Variants in TXNRD1 observed in about 807,000 individuals in gnomAD.
TXNRD1 encodes the protein thioredoxin reductase 1, also known as thioredoxin reductase 1, cytoplasmic.
TXNRD1 carries 57 observed loss-of-function variants against 80.3 expected under a neutral mutation model. The observed-to-expected ratio is 0.71, with a 90% confidence interval of 0.57 to 0.89. TXNRD1 has a LOEUF of 0.89. Among genes scored for constraint, TXNRD1 ranks in the 40% least tolerant of loss-of-function variants. The probability of loss-of-function intolerance (pLI) is 0.00; values close to 1 mark genes in which losing one functional copy is unlikely to be tolerated. For missense variants in TXNRD1, 730 were observed against 803.0 expected (o/e 0.91, Z 1.10); for synonymous variants, 291 against 285.2 (o/e 1.02, Z -0.20).
intron 1 of TXNRD1, among the ~76,000 whole-genome samples, chr12:104,233,558 G>A (rs1193215140): frequency 2.6e-5 from 4 of 152,178 alleles, no homozygotes; most frequent in Non-Finnish European, 5.9e-5. Context: ...TTTCGCTCTT[G>A]TTGCCCAGGC....
intron 16 of TXNRD1, among the ~76,000 whole-genome samples, chr12:104,344,925 C>CT (rs764749702): frequency 2.0e-5 from 3 of 152,186 alleles, no homozygotes; most frequent in Non-Finnish European, 4.4e-5. Context: ...AGGAGGAACT[C>CT]TTTTCTCTGC....
At chr12:104,288,839 G>C in intron 3 of TXNRD1, 92 bp from the exon 4 acceptor site, 4 of 1,610,724 alleles carry the variant, frequency 2.5e-6, no homozygotes, top group Non-Finnish European at 3.4e-6. Context: ...TGCCTGCGGG[G>C]CCGGGACGGA....
chr12:104,242,192 G>T (rs1423744280), intron 1 of TXNRD1, among the ~76,000 whole-genome samples: 1 of 151,186 alleles, frequency 6.6e-6, no homozygotes, highest in Non-Finnish European at 1.5e-5. Flanking sequence ...ACCCACCTTG[G>T]CCTCCCAAAG....
chr12:104,327,433 C>A, intron 12 of TXNRD1, 82 bp from the exon 13 acceptor site: 1 of 1,425,472 alleles, frequency 7.0e-7, no homozygotes, highest in Non-Finnish European at 9.4e-7. Flanking sequence ...CAATTTTGGG[C>A]TTCCCTGAAA....
intron 4 of TXNRD1, among the ~76,000 whole-genome samples, chr12:104,302,628 T>C (rs1172105520): frequency 6.6e-6 from 1 of 151,864 alleles, no homozygotes; most frequent in Admixed American, 6.6e-5. Context: ...TAGCTGGGAC[T>C]ATAGGCGCCT....
chr12:104,266,499 C>G (rs1162211799), intron 3 of TXNRD1, among the ~76,000 whole-genome samples: 1 of 124,598 alleles, frequency 8.0e-6, no homozygotes, highest in Non-Finnish European at 1.6e-5. Context: ...GCACTCCAGT[C>G]TGGTGACAGA....
intron 11 of TXNRD1, among the ~76,000 whole-genome samples, chr12:104,325,749 G>A (rs1276686102): frequency 6.6e-6 from 1 of 152,030 alleles, no homozygotes; most frequent in Non-Finnish European, 1.5e-5. Flanking sequence ...GCGTGCGCCT[G>A]TAGTCCCAGC....
Position 104,327,501 on chromosome 12 carries a change from GA to G in TXNRD1, c.1386-12del. The G allele has an allele frequency of 6.2e-7, 1 of 1,601,178 alleles. No homozygotes were observed. Among genetic ancestry groups the G allele is most frequent in the Non-Finnish European group, 8.5e-7 (1 of 1,171,734 alleles). On this transcript the variant is annotated splice_polypyrimidine_tract_variant and intron_variant, in intron 12 of 16. Coordinates refer to ENST00000525566, the MANE Select transcript of TXNRD1 (RefSeq NM_001093771.3). The stretch of plus-strand genomic sequence containing the variant: ...TGGTAATTAATGATGATTTTTAACT[GA>G]ATAAAATTGCAGGACTGGAAAAATA...
intron 3 of TXNRD1, among the ~76,000 whole-genome samples, chr12:104,266,303 G>A (rs574837298): frequency 2.0e-5 from 3 of 152,226 alleles, no homozygotes; most frequent in African/African-American, 7.2e-5. Flanking sequence ...TAAGGTGAGT[G>A]GATCACGAGG....
At chr12:104,225,600 C>A (rs773142055) in intron 1 of TXNRD1, among the ~76,000 whole-genome samples, 26 of 152,112 alleles carry the variant, frequency 1.7e-4, no homozygotes, top group Non-Finnish European at 3.8e-4. Context: ...AGGGCTTCCC[C>A]CTTCACTTGG....
chr12:104,254,644 A>AAAT, intron 2 of TXNRD1, among the ~76,000 whole-genome samples: 26 of 93,632 alleles, frequency 2.8e-4, no homozygotes, highest in Non-Finnish European at 4.4e-4. Context: ...AAAAAAAAAA[A>AAAT]ATATATATAT....
rs560648648 is a variant in TXNRD1 at position 104,333,308 on chromosome 12, A to G, written c.1651-929A>G. Among the ~76,000 whole-genome samples, 84 of 152,144 alleles carry G rather than the reference A, an allele frequency of 5.5e-4. No homozygotes were observed. In the South Asian group the frequency reaches 6.6e-3, roughly 12 times the overall value. On this transcript the variant is annotated intron_variant, in intron 14 of 16. Transcript: ENST00000525566. ...ATATATATTTCATATTTCTTGATAG[A>G]CAATATTTAAGTTTTTTAAAATTTG...
intron 1 of TXNRD1, among the ~76,000 whole-genome samples, chr12:104,224,318 T>C (rs1456656828): frequency 2.0e-5 from 3 of 152,196 alleles, no homozygotes; most frequent in Admixed American, 1.3e-4. Flanking sequence ...TCATTTTTTT[T>C]GTAGGACATA....
chr12:104,271,032 T>C (rs1394673485), intron 3 of TXNRD1, among the ~76,000 whole-genome samples: 1 of 152,076 alleles, frequency 6.6e-6, no homozygotes, highest in African/African-American at 2.4e-5. Flanking sequence ...AAGCCTGTAA[T>C]CTCAGCTACT....
chr12:104,342,948 G>A (rs2036375035), intron 16 of TXNRD1, among the ~76,000 whole-genome samples: 1 of 152,192 alleles, frequency 6.6e-6, no homozygotes, highest in South Asian at 2.1e-4. Flanking sequence ...GAGTGACACG[G>A]TTATATTTGA....
At chr12:104,284,108 A>C (rs935674607) in intron 3 of TXNRD1, among the ~76,000 whole-genome samples, 5 of 152,228 alleles carry the variant, frequency 3.3e-5, no homozygotes, top group Admixed American at 2.6e-4. Context: ...GTGTAGGGGC[A>C]TTAGAAGTTT....
In TXNRD1 at chr12:104,325,859, G is replaced by A. The variant is rs180996640; in HGVS notation, c.1308+430G>A. 5.9e-3 allele frequency among the ~76,000 whole-genome samples: 812 copies of A among 138,590 alleles called. 21 individuals are homozygous for A. In the South Asian group the frequency reaches 0.084, roughly 14 times the overall value. 90.9% of individuals were successfully genotyped at this position (138,590 alleles called of 152,430 possible). On this transcript the variant is annotated intron_variant, in intron 11 of 16. Coordinates refer to ENST00000525566, the MANE Select transcript of TXNRD1 (RefSeq NM_001093771.3). ...TGCACTCCAGCCTGGGTGACAGAGC[G>A]AGACTCCATCTCAAAAAAAAAAAAA...
At chr12:104,319,188 T>G in intron 8 of TXNRD1, 133 bp downstream of exon 8, 3 of 1,151,714 alleles carry the variant, frequency 2.6e-6, no homozygotes, top group Non-Finnish European at 3.6e-6. Context: ...TTGGTGATTT[T>G]GCTATCATAT....
At chr12:104,224,798 A>G (rs994724495) in intron 1 of TXNRD1, 10 of 455,706 alleles carry the variant, frequency 2.2e-5, no homozygotes, top group Admixed American at 1.2e-4. Flanking sequence ...TTTCTCCCCC[A>G]CTGTTTGATC....
Sources: allele counts gnomAD v4.1 joint callset (sites outside exome capture counted in the v4.1 genomes callset), GRCh38; gene constraint gnomAD v4.1.1; transcripts MANE v1.5; gene names NCBI Gene and HGNC (gene_info 2026-07-23, HGNC 2026-07-21).